RNF144A: variants seen among roughly 807,000 people sequenced by gnomAD.
RNF144A encodes E3 ubiquitin-protein ligase RNF144A.
In RNF144A, 11 loss-of-function variants were observed where a neutral mutation model predicts 38.7. The observed-to-expected ratio is 0.28, with a 90% CI of 0.18 to 0.47. The LOEUF (loss-of-function observed/expected upper bound fraction) is 0.47. Among genes scored for constraint, RNF144A ranks in the 20% least tolerant of loss-of-function variants. The pLI is 0.99. For missense variants in RNF144A, 316 were observed against 377.2 expected, an observed-to-expected ratio of 0.84 and a Z score of 1.34; for synonymous variants, 149 against 143.9, an observed-to-expected ratio of 1.04 and a Z score of -0.25.
At chr2:6,929,295 C>G (rs1193566099) in intron 1 of RNF144A, among the ~76,000 whole-genome samples, 1 of 152,154 alleles carries the variant, frequency 6.6e-6, no homozygotes, top group Non-Finnish European at 1.5e-5. Flanking sequence ...GCCCTCGCCA[C>G]CATATTTTAT....
Position 7,039,732 on chromosome 2 carries a change from A to C in RNF144A, c.851A>C (p.Lys284Thr). The C allele has an allele frequency of 6.2e-7, 1 of 1,613,818 alleles. No individual in the cohort carries two copies. Among genetic ancestry groups the C allele is most frequent in the Non-Finnish European group, 8.5e-7 (1 of 1,179,966 alleles). The change falls in exon 9 of 9, where the codon AAA becomes ACA. Residue 284 changes from lysine (K) to threonine (T), a missense_variant. Physicochemically the swap from Lys to Thr is moderately conservative, Grantham distance 78 (BLOSUM62 -1). Transcript: ENST00000320892. ...CTTTGCTGCAAGTGCAAGTGCAGTAAAGGTGACGACGACCCGTTACCCACC... is the reference window on the plus strand; with the variant it reads ...CTTTGCTGCAAGTGCAAGTGCAGTACAGGTGACGACGACCCGTTACCCACC... ...FVLCCKCKCS[K>T]GDDDPLPT
intron 6 of RNF144A, among the ~76,000 whole-genome samples, chr2:7,064,145 C>A (rs893657187): frequency 3.3e-5 from 5 of 152,096 alleles, no homozygotes; most frequent in African/African-American, 7.2e-5. Context: ...GCCCTCATAA[C>A]CTAAGCACCT....
intron 6 of RNF144A, among the ~76,000 whole-genome samples, chr2:7,053,845 G>A (rs1486586841): frequency 6.6e-6 from 1 of 152,182 alleles, no homozygotes; most frequent in African/African-American, 2.4e-5. Flanking sequence ...GCTCATACTT[G>A]GCTGGGAGCC....
intron 1 of RNF144A, among the ~76,000 whole-genome samples, chr2:6,921,160 G>A (rs572872930): frequency 5.9e-5 from 9 of 152,200 alleles, no homozygotes; most frequent in Non-Finnish European, 1.2e-4. Context: ...TTTGAGGAGG[G>A]TGGCTCATTG....
In RNF144A at chr2:7,040,645, C is replaced by A. The variant is rs1487403151; in HGVS notation, c.*885C>A. The A allele has an allele frequency of 1.0e-6, 1 of 985,272 alleles. No homozygotes were observed. Among genetic ancestry groups the A allele is most frequent in the Non-Finnish European group, 1.2e-6 (1 of 829,888 alleles). The allele number at this position is 985,272 out of a possible 1,614,324, so 61.0% of individuals were successfully genotyped here. On this transcript the variant is annotated 3_prime_UTR_variant, in exon 9 of 9. Transcript: ENST00000320892. Reference sequence around the variant, plus strand: ...CCCACTGCTTTGCTCGGCAATGGTTCTCCTCCGAATTGCTGCCGTCTGGCC... The same window carrying A: ...CCCACTGCTTTGCTCGGCAATGGTTATCCTCCGAATTGCTGCCGTCTGGCC...
At chr2:6,967,336 T>C (rs1230273209) in intron 2 of RNF144A, among the ~76,000 whole-genome samples, 1 of 152,272 alleles carries the variant, frequency 6.6e-6, no homozygotes, top group South Asian at 2.1e-4. Context: ...AGTTCGTTTG[T>C]CGTCTGCTAC....
chr2:6,997,270 T>C (rs960576875), intron 3 of RNF144A, among the ~76,000 whole-genome samples: 2 of 152,238 alleles, frequency 1.3e-5, no homozygotes, highest in African/African-American at 2.4e-5. Context: ...TTGCTTGTGG[T>C]GCAAAAGCAA....
chr2:7,000,064 C>G (rs1670004717), intron 3 of RNF144A, among the ~76,000 whole-genome samples: 1 of 152,182 alleles, frequency 6.6e-6, no homozygotes, highest in Non-Finnish European at 1.5e-5. Context: ...TAATATGGCA[C>G]TCCCCTGAAG....
intron 2 of RNF144A, among the ~76,000 whole-genome samples, chr2:6,942,817 C>G (rs900724323): frequency 6.6e-6 from 1 of 152,152 alleles, no homozygotes; most frequent in African/African-American, 2.4e-5. Context: ...AACCCCATCT[C>G]TACTAAAAAT....
chr2:7,039,009 GGGTGGATGAGTAGATAGATGGATGGGTA>G (rs1470466664), intron 8 of RNF144A, among the ~76,000 whole-genome samples: 2 of 152,050 alleles, frequency 1.3e-5, no homozygotes, highest in Non-Finnish European at 2.9e-5. Flanking sequence ...GTAAATGGAT[GGGTGGATGAGTAGATAGATGGATGGGTA>G]GGTGGATGGA....
At chr2:7,028,287 G>A (rs1672057672) in intron 7 of RNF144A, among the ~76,000 whole-genome samples, 1 of 152,326 alleles carries the variant, frequency 6.6e-6, no homozygotes, top group East Asian at 1.9e-4. Flanking sequence ...GGCCAGAGAT[G>A]CTGGAAAGAC....
At chr2:7,048,385 CTAT>C (rs1387352214), downstream of RNF144A, among the ~76,000 whole-genome samples, 2 of 152,158 alleles carry the variant, frequency 1.3e-5, no homozygotes, top group Non-Finnish European at 2.9e-5. Flanking sequence ...GGGACGTAAA[CTAT>C]TATTATCACA....
chr2:6,948,010 C>T (rs1467332543), intron 2 of RNF144A, among the ~76,000 whole-genome samples: 1 of 152,188 alleles, frequency 6.6e-6, no homozygotes, highest in Non-Finnish European at 1.5e-5. Context: ...ACAAAATGAC[C>T]ACCTGCAGCC....
At chr2:7,052,026 G>C (rs1477730248) in intron 6 of RNF144A, among the ~76,000 whole-genome samples, 1 of 152,056 alleles carries the variant, frequency 6.6e-6, no homozygotes, top group Non-Finnish European at 1.5e-5. Context: ...ATCTTAATTA[G>C]AATGCCTAAT....
chr2:6,961,240 TC>T (rs1318494303), intron 2 of RNF144A, among the ~76,000 whole-genome samples: 3 of 152,192 alleles, frequency 2.0e-5, no homozygotes, highest in Non-Finnish European at 4.4e-5. Context: ...GTCTATTGCT[TC>T]ATAGGCATTT....
Position 6,956,758 on chromosome 2 carries a change from G to T in RNF144A, c.-12+15611G>T, listed in dbSNP as rs1380110039. 2.0e-5 allele frequency among the ~76,000 whole-genome samples: 3 copies of T among 152,138 alleles called. 1 individual carries two copies. The highest frequency in any genetic ancestry group is 1.3e-4 in the Admixed American group (2 of 15,270). On this transcript the variant is annotated intron_variant, in intron 2 of 8. Transcript: ENST00000320892. ...TCTGCATGCTTCTGGGAGGCTTGGT[G>T]GTTTATAGTCCACTCCCTCATACAT...
intron 2 of RNF144A, among the ~76,000 whole-genome samples, chr2:6,991,687 A>G (rs1001934351): frequency 1.3e-5 from 2 of 152,206 alleles, no homozygotes; most frequent in South Asian, 4.1e-4. Context: ...TCTCAGAGTC[A>G]TTGTGCAGAG....
chr2:6,917,463 T>C lies in RNF144A; in HGVS notation c.-371T>C, dbSNP rs1348407146. On this transcript the variant is annotated 5_prime_UTR_variant, in exon 1 of 9. Transcript: ENST00000320892. The surrounding 1 kb of genome is among the most constrained non-coding windows in gnomAD (Gnocchi z 4.8). Reference sequence around the variant, plus strand: ...CGCAGCCGCTTCTCCCCGCGCGGGCTCTCGGCAGGCGGGAGGCGGCAGGGC... The same window carrying C: ...CGCAGCCGCTTCTCCCCGCGCGGGCCCTCGGCAGGCGGGAGGCGGCAGGGC... 1.4e-5 allele frequency: 2 copies of C among 146,322 alleles called. No individual in the cohort carries two copies. Among genetic ancestry groups the C allele is most frequent in the Non-Finnish European group, 3.0e-5 (2 of 65,940 alleles). The allele number at this position is 146,322 out of a possible 1,614,324, so 9.1% of individuals were successfully genotyped here.
At chr2:6,986,618 G>T (rs917557067) in intron 2 of RNF144A, among the ~76,000 whole-genome samples, 1 of 152,156 alleles carries the variant, frequency 6.6e-6, no homozygotes, top group Non-Finnish European at 1.5e-5. Context: ...CAGGGAACCC[G>T]GTGGCCCACT....
Sources: allele counts gnomAD v4.1 joint callset (sites outside exome capture counted in the v4.1 genomes callset), GRCh38; gene constraint gnomAD v4.1.1; non-coding constraint Gnocchi (gnomAD v3.1); transcripts MANE v1.5; gene names NCBI Gene and HGNC (gene_info 2026-07-23, HGNC 2026-07-21).